Variants in L3MBTL4 observed in about 807,000 individuals in gnomAD.
L3MBTL4 encodes the protein L3MBTL histone methyl-lysine binding protein 4, also known as lethal(3)malignant brain tumor-like protein 4.
Under a neutral mutation model 84.5 loss-of-function variants are expected in L3MBTL4, and 70 were observed. The observed-to-expected ratio is 0.83, with a 90% CI of 0.68 to 1.01. L3MBTL4 has a LOEUF of 1.01. L3MBTL4 is among the 50% of genes least tolerant of loss of function. The pLI is 0.00. For synonymous variants in L3MBTL4, 274 were observed against 259.8 expected, an observed-to-expected ratio of 1.05 and a Z score of -0.52; for missense variants, 715 against 754.8, an observed-to-expected ratio of 0.95 and a Z score of 0.62.
At chr18:6,315,612 C>T (rs1352427056) in intron 1 of L3MBTL4, among the ~76,000 whole-genome samples, 2 of 152,186 alleles carry the variant, frequency 1.3e-5, no homozygotes, top group East Asian at 3.9e-4. Flanking sequence ...TCTGGGGTCC[C>T]TCTTTGAACA....
At chr18:6,109,342 A>G (rs1235946864) in intron 14 of L3MBTL4, among the ~76,000 whole-genome samples, 1 of 152,060 alleles carries the variant, frequency 6.6e-6, no homozygotes, top group East Asian at 1.9e-4. Flanking sequence ...ATGTGTGTGC[A>G]TGTATGTAGA....
Position 6,392,129 on chromosome 18 carries a change from G to A in L3MBTL4, c.-91+22672C>T, listed in dbSNP as rs1380020912. ...CTATAAGTCTACAGTTACCAAAACA[G>A]CATGGTACTGGTATAAAAGTAGGCA... On this transcript the variant is annotated intron_variant, in intron 1 of 18. Transcript: ENST00000317931. 2.6e-5 allele frequency among the ~76,000 whole-genome samples: 4 copies of A among 152,144 alleles called. No homozygotes were observed. In the East Asian group the frequency reaches 7.7e-4, roughly 29 times the overall value.
intron 14 of L3MBTL4, among the ~76,000 whole-genome samples, chr18:6,134,619 C>T (rs972962582): frequency 6.6e-6 from 1 of 152,156 alleles, no homozygotes; most frequent in African/African-American, 2.4e-5. Flanking sequence ...GTCTGATATC[C>T]AGCAGGGCAG....
intron 16 of L3MBTL4, chr18:6,031,781 T>A: frequency 1.0e-6 from 1 of 984,028 alleles, no homozygotes; most frequent in Non-Finnish European, 1.2e-6. Flanking sequence ...TCTGCAGTCA[T>A]CTGGTGACTA....
At chr18:6,192,409 A>G (rs961797931) in intron 12 of L3MBTL4, among the ~76,000 whole-genome samples, 1 of 152,038 alleles carries the variant, frequency 6.6e-6, no homozygotes, top group Non-Finnish European at 1.5e-5. Context: ...AGAAATGTGG[A>G]AGGTTCATCC....
intron 1 of L3MBTL4, among the ~76,000 whole-genome samples, chr18:6,386,112 C>T (rs2054805763): frequency 6.6e-6 from 1 of 152,150 alleles, no homozygotes; most frequent in African/African-American, 2.4e-5. Flanking sequence ...AATAGAATGA[C>T]AGATAGCACA....
At chr18:6,227,724 C>A (rs1364435723) in intron 10 of L3MBTL4, among the ~76,000 whole-genome samples, 2 of 152,024 alleles carry the variant, frequency 1.3e-5, no homozygotes, top group Non-Finnish European at 2.9e-5. Context: ...CAATAAACTG[C>A]AAGGAAATCA....
At chr18:6,383,082 G>C (rs995115596) in intron 1 of L3MBTL4, among the ~76,000 whole-genome samples, 1 of 152,046 alleles carries the variant, frequency 6.6e-6, no homozygotes, top group Non-Finnish European at 1.5e-5. Flanking sequence ...TGCCCAGTTC[G>C]AACATCCTAG....
rs184928073 is a variant in L3MBTL4, at chr18:6,249,083, A to T, written c.220-4495T>A. Reference sequence around the variant, plus strand: ...TTAACTCTCCCAGCCTTCTTCTCACATCTACTATGTTTTCCAGCAGATTGT... The same window carrying T: ...TTAACTCTCCCAGCCTTCTTCTCACTTCTACTATGTTTTCCAGCAGATTGT... On this transcript the variant is annotated intron_variant, in intron 5 of 18. Transcript: ENST00000317931. 1.8e-3 allele frequency among the ~76,000 whole-genome samples: 281 copies of T among 152,308 alleles called. 2 individuals carry two copies. The highest frequency in any genetic ancestry group is 2.7e-3 in the Non-Finnish European group (185 of 68,026).
chr18:6,033,303 G>C (rs1279932158), intron 16 of L3MBTL4, among the ~76,000 whole-genome samples: 2 of 151,922 alleles, frequency 1.3e-5, no homozygotes, highest in Admixed American at 1.3e-4. Context: ...CTCTCTTTTG[G>C]TAACTATTTG....
At chr18:6,126,375 T>A (rs2144422749) in intron 14 of L3MBTL4, among the ~76,000 whole-genome samples, 1 of 152,296 alleles carries the variant, frequency 6.6e-6, no homozygotes, top group Admixed American at 6.5e-5. Flanking sequence ...GTTCTCAAGG[T>A]GACTTAAAAT....
At chr18:6,118,171 ACTCTCT>A (rs144219677) in intron 14 of L3MBTL4, among the ~76,000 whole-genome samples, 3 of 140,052 alleles carry the variant, frequency 2.1e-5, no homozygotes, top group Non-Finnish European at 4.6e-5. Flanking sequence ...ATGCAAACTC[ACTCTCT>A]CTCTCTCTCT....
intron 1 of L3MBTL4, among the ~76,000 whole-genome samples, chr18:6,338,291 T>C (rs909775802): frequency 5.9e-5 from 9 of 151,284 alleles, no homozygotes; most frequent in Admixed American, 5.9e-4. Flanking sequence ...AGAAAAATGA[T>C]CCCCAACAGA....
intron 1 of L3MBTL4, among the ~76,000 whole-genome samples, chr18:6,356,221 C>G (rs575255724): frequency 1.5e-4 from 23 of 152,372 alleles, no homozygotes; most frequent in African/African-American, 4.8e-4. Context: ...GACATTTACA[C>G]TCCAAAGAAT....
intron 16 of L3MBTL4, among the ~76,000 whole-genome samples, chr18:6,006,330 G>T (rs910789107): frequency 6.6e-6 from 1 of 152,090 alleles, no homozygotes; most frequent in African/African-American, 2.4e-5. Context: ...GGAGGCATGA[G>T]GTCAAAGACA....
At chr18:6,364,051 C>T (rs1353533434) in intron 1 of L3MBTL4, among the ~76,000 whole-genome samples, 2 of 152,106 alleles carry the variant, frequency 1.3e-5, no homozygotes, top group Admixed American at 1.3e-4. Flanking sequence ...GGGTCCTCGA[C>T]ATCCTCTCTT....
At chr18:6,004,463 C>A (rs2054369701) in intron 16 of L3MBTL4, among the ~76,000 whole-genome samples, 1 of 152,248 alleles carries the variant, frequency 6.6e-6, no homozygotes, top group East Asian at 1.9e-4. Context: ...GAACTATCAT[C>A]AATTTTTCTC....
chr18:6,138,063 A>G (rs2060079961), intron 14 of L3MBTL4, 131 bp downstream of exon 14: 2 of 543,118 alleles, frequency 3.7e-6, no homozygotes, highest in Non-Finnish European at 6.5e-6. Context: ...GAAAGGCCTC[A>G]GCAACACAGA....
At chr18:6,115,083 A>T (rs202172590) in intron 14 of L3MBTL4, among the ~76,000 whole-genome samples, 2,398 of 79,792 alleles carry the variant, frequency 0.03, 69 homozygotes, top group African/African-American at 0.12. Flanking sequence ...CCAGAGAAGC[A>T]AGCTCATTTT....
Sources: gnomAD v4.1 joint callset for allele counts (sites outside exome capture counted in the v4.1 genomes callset) on GRCh38, gnomAD v4.1.1 for gene constraint, MANE v1.5 for transcripts, NCBI Gene and HGNC (gene_info 2026-07-23, HGNC 2026-07-21) for gene names.